DIMT1: variants seen among roughly 807,000 people sequenced by gnomAD.
DIMT1 encodes DIM1 rRNA methyltransferase and ribosome maturation factor, also known as dimethyladenosine transferase.
DIMT1 carries 36 observed loss-of-function variants against 43.2 expected under a neutral mutation model. The ratio of observed to expected loss-of-function variants is 0.83; its 90% CI spans 0.64 to 1.10. The LOEUF is 1.10. Ranked by LOEUF, DIMT1 falls within the 50% of genes least tolerant of loss-of-function variation. The probability of loss-of-function intolerance (pLI) is 0.00; values close to 1 mark genes in which losing one functional copy is unlikely to be tolerated. For synonymous variants in DIMT1, 126 were observed against 130.3 expected, an observed-to-expected ratio of 0.97 and a Z score of 0.22; for missense variants, 341 against 385.3, an observed-to-expected ratio of 0.88 and a Z score of 0.96.
chr5:62,401,713 G>C (rs1742713243), intron 3 of DIMT1, among the ~76,000 whole-genome samples: 1 of 148,456 alleles, frequency 6.7e-6, no homozygotes, highest in African/African-American at 2.5e-5. Flanking sequence ...CTCCCAAGTA[G>C]CTGGGACTAC....
Position 62,394,573 on chromosome 5 carries a change from G to A in DIMT1, c.481C>T (p.Leu161Phe). 1.2e-6 allele frequency: 2 copies of A among 1,614,182 alleles called. No homozygotes were observed. The highest frequency in any genetic ancestry group is 1.7e-6 in the Non-Finnish European group (2 of 1,180,040). Residue 161 changes from leucine to phenylalanine, a missense_variant, in exon 7 of 12, where the codon CTC becomes TTC. By Grantham distance (22) the Leu-to-Phe change is conservative. Coordinates refer to ENST00000199320, the MANE Select transcript of DIMT1 (RefSeq NM_014473.4). ...AILMFQREFALRLVAKPGDKL... is the reference protein window; with the variant it reads ...AILMFQREFAFRLVAKPGDKL... ...TCTCCAGGTTTTGCAACCAGTCGGA[G>A]GGCAAATTCTCTTTGAAACATAAGT...
intron 3 of DIMT1, among the ~76,000 whole-genome samples, chr5:62,399,585 C>T (rs1311486172): frequency 6.9e-6 from 1 of 145,060 alleles, no homozygotes; most frequent in African/African-American, 2.6e-5. Flanking sequence ...CGGAGGTTGC[C>T]ATGAGCCAAG....
intron 4 of DIMT1, 29 bp downstream of exon 4, chr5:62,398,791 T>TC: frequency 6.2e-7 from 1 of 1,613,842 alleles, no homozygotes; most frequent in Non-Finnish European, 8.5e-7. Context: ...GAGATTGAAA[T>TC]GCACTTTAAT....
intron 6 of DIMT1, among the ~76,000 whole-genome samples, chr5:62,396,232 C>A (rs534502715): frequency 2.5e-3 from 365 of 146,360 alleles, no homozygotes; most frequent in Non-Finnish European, 3.9e-3. Context: ...AAGGGCTGGG[C>A]ACCATGGTTC....
rs376406908 is a variant in DIMT1, at chr5:62,388,830, T to C, written c.*180A>G. 31 of 627,050 alleles carry C rather than the reference T, an allele frequency of 4.9e-5. No individual in the cohort carries two copies. The highest frequency in any genetic ancestry group is 2.4e-4 in the African/African-American group (13 of 54,046). The allele number at this position is 627,050 out of a possible 1,614,324, so 38.8% of individuals were successfully genotyped here. A position where few individuals can be genotyped will look rare whatever the true frequency, so the allele number is the denominator to read the frequency against. On this transcript the variant is annotated 3_prime_UTR_variant, in exon 12 of 12. Transcript: ENST00000199320. ...CAGCATTATATATTAAAAACTTTGA[T>C]ACTTAGAACTTTCCAACTTTAAAAT...
intron 3 of DIMT1, among the ~76,000 whole-genome samples, chr5:62,400,294 C>T (rs183729): frequency 0.23 from 35,680 of 152,004 alleles, 4,307 homozygotes; most frequent in Middle Eastern, 0.29. Context: ...GTTGCCCAGG[C>T]TGGAGTGAAG....
At chr5:62,391,040 C>T (rs981295040) in intron 10 of DIMT1, 58 bp from the exon 11 acceptor site, 2 of 1,444,928 alleles carry the variant, frequency 1.4e-6, no homozygotes, top group Non-Finnish European at 1.9e-6. Flanking sequence ...GTCACCTTGA[C>T]TCTTTTTTTT....
intron 11 of DIMT1, 50 bp downstream of exon 11, chr5:62,390,826 G>C (rs1436604900): frequency 6.9e-7 from 1 of 1,442,474 alleles, no homozygotes; most frequent in East Asian, 2.3e-5. Flanking sequence ...CAATCTGAAG[G>C]TGTCACAGTA....
At chr5:62,390,152 G>A (rs1323570335) in intron 11 of DIMT1, among the ~76,000 whole-genome samples, 1 of 152,136 alleles carries the variant, frequency 6.6e-6, no homozygotes, top group East Asian at 1.9e-4. Context: ...GAACATGGAA[G>A]CTTTAAAAGT....
In DIMT1 at chr5:62,388,920, T is replaced by C. The variant is rs950340459; in HGVS notation, c.*90A>G. 7 of 1,198,156 alleles carry C rather than the reference T, an allele frequency of 5.8e-6. No individual in the cohort carries two copies. Among genetic ancestry groups the C allele is most frequent in the African/African-American group, 3.1e-5 (2 of 65,016 alleles). The allele number at this position is 1,198,156 out of a possible 1,614,324, so 74.2% of individuals were successfully genotyped here. ...CAAAAATAGTCAAGTAAATAATGTC[T>C]CAGTAAAGCAAAAGCATTATCTTCT... On this transcript the variant is annotated 3_prime_UTR_variant, in exon 12 of 12. Transcript: ENST00000199320.
chr5:62,392,890 G>T, intron 9 of DIMT1, 36 bp downstream of exon 9: 1 of 1,430,998 alleles, frequency 7.0e-7, no homozygotes, highest in Non-Finnish European at 9.8e-7. Flanking sequence ...CTGGAGCACT[G>T]GCCCTTTATA....
intron 6 of DIMT1, among the ~76,000 whole-genome samples, chr5:62,395,094 G>A (rs1048817099): frequency 3.3e-5 from 5 of 150,588 alleles, no homozygotes; most frequent in Admixed American, 2.0e-4. Context: ...GCGCAATCTC[G>A]GCTCACTACA....
intron 6 of DIMT1, among the ~76,000 whole-genome samples, chr5:62,397,116 A>G (rs2112046799): frequency 6.6e-6 from 1 of 151,856 alleles, no homozygotes; most frequent in Non-Finnish European, 1.5e-5. Context: ...TGCCCAGCTA[A>G]TTTTTTTATT....
chr5:62,403,730 G>T lies in DIMT1; in HGVS notation c.43C>A (p.Arg15=), dbSNP rs1455536407. The T allele has an allele frequency of 1.2e-6, 2 of 1,609,346 alleles. No homozygotes were observed. Among genetic ancestry groups the T allele is most frequent in the Non-Finnish European group, 1.7e-6 (2 of 1,178,504 alleles). The part of the protein sequence containing the change: ...KSGAIGRRRG[R]QEQRRELKSA... ...TTCAGCTCCCGGCGCTGCTCCTGCCGCCCGCGGCGGCGGCCGATGGCCCCC... is the reference window on the plus strand; with the variant it reads ...TTCAGCTCCCGGCGCTGCTCCTGCCTCCCGCGGCGGCGGCCGATGGCCCCC... Residue 15 remains arginine (R), a synonymous_variant, in exon 1 of 12, where the codon CGG becomes AGG. Transcript: ENST00000199320.
chr5:62,391,697 A>C (rs1207174672), intron 10 of DIMT1: 1 of 1,286,502 alleles, frequency 7.8e-7, no homozygotes, highest in African/African-American at 1.5e-5. Flanking sequence ...AATGATACGC[A>C]TGAGGCTCAC....
Position 62,394,029 on chromosome 5 carries a change from T to G in DIMT1, c.589A>C (p.Arg197=). 1 of 1,611,644 alleles carries G rather than the reference T, an allele frequency of 6.2e-7. No homozygotes were observed. Among genetic ancestry groups the G allele is most frequent in the Non-Finnish European group, 8.5e-7 (1 of 1,179,460 alleles). Residue 197 remains arginine (R), a synonymous_variant, in exon 8 of 12, where the codon AGA becomes CGA. Transcript: ENST00000199320. ...HLMKVGKNNF[R]PPPKVESSVV... Reference sequence around the variant, plus strand: ...CTGGATTCCACCTTGGGCGGTGGTCTGAAGTTATTCTTTCCCACCTGTTAA... The same window carrying G: ...CTGGATTCCACCTTGGGCGGTGGTCGGAAGTTATTCTTTCCCACCTGTTAA...
chr5:62,392,057 T>C, intron 10 of DIMT1, 114 bp downstream of exon 10: 2 of 1,587,184 alleles, frequency 1.3e-6, no homozygotes, highest in Non-Finnish European at 1.7e-6. Flanking sequence ...TATATTGTCT[T>C]TTAAGGATCT....
intron 8 of DIMT1, 100 bp from the exon 9 acceptor site, chr5:62,393,090 A>C (rs1429758102): frequency 4.4e-6 from 3 of 678,124 alleles, no homozygotes; most frequent in Admixed American, 2.9e-5. Flanking sequence ...CAATTGAAGG[A>C]AACTTTCTGA....
At chr5:62,403,212 G>C (rs1742771899) in intron 2 of DIMT1, 61 bp downstream of exon 2, 4 of 1,442,906 alleles carry the variant, frequency 2.8e-6, no homozygotes, top group Non-Finnish European at 3.9e-6. Context: ...CTGCGCTTAT[G>C]TATTCATAGG....
Sources: gnomAD v4.1 joint callset for allele counts (sites outside exome capture counted in the v4.1 genomes callset) on GRCh38, gnomAD v4.1.1 for gene constraint, MANE v1.5 for transcripts, NCBI Gene and HGNC (gene_info 2026-07-23, HGNC 2026-07-21) for gene names.